The following ARMH3 variants were observed in gnomAD, a reference collection of about 807,000 sequenced individuals.
The protein encoded by ARMH3 is armadillo-like helical domain-containing protein 3.
A neutral mutation model predicts 99.1 loss-of-function variants in ARMH3; 60 were observed. The ratio of observed to expected loss-of-function variants is 0.61; its 90% CI spans 0.49 to 0.75. ARMH3 has a LOEUF of 0.75. Ranked by LOEUF, ARMH3 falls within the 30% of genes least tolerant of loss-of-function variation. The probability of loss-of-function intolerance (pLI) is 0.00; values close to 1 mark genes in which losing one functional copy is unlikely to be tolerated. For synonymous variants in ARMH3, 285 were observed against 292.8 expected, an observed-to-expected ratio of 0.97 and a Z score of 0.27; for missense variants, 679 against 843.1, an observed-to-expected ratio of 0.81 and a Z score of 2.41.
intron 19 of ARMH3, among the ~76,000 whole-genome samples, chr10:101,979,852 C>T (rs1484546637): frequency 6.6e-6 from 1 of 152,156 alleles, no homozygotes; most frequent in Admixed American, 6.5e-5. Flanking sequence ...TTCCTATTTT[C>T]AATTTAAATT....
chr10:101,935,920 A>G (rs1404372503), intron 23 of ARMH3, among the ~76,000 whole-genome samples: 1 of 152,174 alleles, frequency 6.6e-6, no homozygotes, highest in Non-Finnish European at 1.5e-5. Flanking sequence ...CACAGGTCAG[A>G]TTTTCTGACA....
chr10:101,864,935 C>T (rs2066963723), intron 24 of ARMH3, among the ~76,000 whole-genome samples: 1 of 151,410 alleles, frequency 6.6e-6, no homozygotes, highest in African/African-American at 2.4e-5. Flanking sequence ...CCTGACGCAG[C>T]TCAAAAAAAA....
At chr10:102,035,691 C>G (rs2067239457) in intron 2 of ARMH3, among the ~76,000 whole-genome samples, 1 of 152,276 alleles carries the variant, frequency 6.6e-6, no homozygotes, top group Non-Finnish European at 1.5e-5. Context: ...CAGACGGAGT[C>G]TCGTTCACTC....
chr10:101,959,873 T>C (rs1046862662), intron 20 of ARMH3, among the ~76,000 whole-genome samples: 2 of 152,158 alleles, frequency 1.3e-5, no homozygotes, highest in Admixed American at 6.5e-5. Context: ...TCTTCTCACT[T>C]GGAAGTAAGA....
At chr10:101,870,589 G>A (rs1246737032) in intron 24 of ARMH3, among the ~76,000 whole-genome samples, 2 of 151,976 alleles carry the variant, frequency 1.3e-5, no homozygotes, top group African/African-American at 4.8e-5. Flanking sequence ...ATAAAATATT[G>A]GGTATAAATT....
chr10:101,993,251 GGAGA>G (rs138381869), intron 17 of ARMH3, among the ~76,000 whole-genome samples: 1 of 148,282 alleles, frequency 6.7e-6, no homozygotes, highest in South Asian at 2.1e-4. Context: ...AGCCTGGGGG[GGAGA>G]GAGAGAGAGA....
intron 24 of ARMH3, among the ~76,000 whole-genome samples, chr10:101,869,279 T>C (rs1052201813): frequency 6.9e-6 from 1 of 144,676 alleles, no homozygotes; most frequent in South Asian, 2.3e-4. Context: ...TAAAAGCGAT[T>C]TATAGAAAAC....
chr10:101,853,836 C>A (rs570848248), intron 24 of ARMH3, among the ~76,000 whole-genome samples: 1 of 152,298 alleles, frequency 6.6e-6, no homozygotes, highest in Admixed American at 6.5e-5. Context: ...CTGAGCTGAC[C>A]AGGCACGATG....
At position 101,882,108 on chromosome 10, in the gene ARMH3, A is replaced by G. The variant is rs1390511776; in HGVS notation, c.1860+7304T>C. ...GCACACTCAGAGGCAAAGAGCAGGC[A>G]CTAAATACCAAGATACTGATAGCTG... On this transcript the variant is annotated intron_variant, in intron 24 of 25. Transcript: ENST00000370033. Among the ~76,000 whole-genome samples, 4 of 152,230 alleles carry G rather than the reference A, an allele frequency of 2.6e-5. No individual in the cohort carries two copies. The East Asian group carries it at 7.7e-4, about 29-fold the overall frequency.
chr10:101,972,598 T>C (rs1407963545), intron 20 of ARMH3, among the ~76,000 whole-genome samples: 3 of 152,202 alleles, frequency 2.0e-5, no homozygotes, highest in Non-Finnish European at 2.9e-5. Context: ...ATAGACACAC[T>C]TGTATTCACA....
intron 13 of ARMH3, among the ~76,000 whole-genome samples, chr10:102,007,079 T>G (rs2066509795): frequency 1.4e-5 from 2 of 141,382 alleles, no homozygotes; most frequent in Admixed American, 7.7e-5. Flanking sequence ...GAGAATCACT[T>G]GAACCCAGGA....
At chr10:102,020,520 C>T (rs536815772) in intron 8 of ARMH3, among the ~76,000 whole-genome samples, 2 of 152,014 alleles carry the variant, frequency 1.3e-5, no homozygotes, top group African/African-American at 2.4e-5. Flanking sequence ...CCCGTCTCTA[C>T]TAAAAATACA....
intron 14 of ARMH3, among the ~76,000 whole-genome samples, 178 bp from the exon 15 acceptor site, chr10:102,002,250 C>G (rs149763584): frequency 3.9e-5 from 6 of 152,136 alleles, no homozygotes; most frequent in Non-Finnish European, 8.8e-5. Flanking sequence ...CTGTAGAGCC[C>G]CCTTCCTATT....
At chr10:101,884,090 C>A (rs952053823) in intron 24 of ARMH3, among the ~76,000 whole-genome samples, 3 of 151,880 alleles carry the variant, frequency 2.0e-5, no homozygotes, top group African/African-American at 7.3e-5. Flanking sequence ...TTTCGGAAGG[C>A]TTACAAGGGT....
intron 23 of ARMH3, among the ~76,000 whole-genome samples, chr10:101,923,474 T>G (rs1251689748): frequency 2.0e-5 from 3 of 152,158 alleles, no homozygotes; most frequent in Non-Finnish European, 4.4e-5. Flanking sequence ...AAGGCTTGTT[T>G]AGGGGAGAAT....
chr10:101,914,033 A>G (rs190518578), intron 23 of ARMH3, among the ~76,000 whole-genome samples: 123 of 152,336 alleles, frequency 8.1e-4, no homozygotes, highest in Non-Finnish European at 5.9e-4. Flanking sequence ...TCAGAAACTA[A>G]GGACACAGGG....
At chr10:102,011,805 C>G (rs2066635239) in intron 10 of ARMH3, 22 bp from the exon 11 acceptor site, 1 of 1,581,310 alleles carries the variant, frequency 6.3e-7, no homozygotes, top group Non-Finnish European at 8.7e-7. Context: ...GAACTAAATT[C>G]AACTTTAGGA....
intron 17 of ARMH3, among the ~76,000 whole-genome samples, chr10:101,992,497 AT>A (rs71016357): frequency 0.073 from 10,514 of 143,654 alleles, 363 homozygotes; most frequent in African/African-American, 0.11. Flanking sequence ...CCTCAATGTA[AT>A]TTTTTTTTTT....
intron 22 of ARMH3, among the ~76,000 whole-genome samples, chr10:101,949,309 G>A (rs1305104393): frequency 6.6e-6 from 1 of 151,012 alleles, no homozygotes; most frequent in East Asian, 1.9e-4. Context: ...CTCTGAGGAG[G>A]GGAAATCAAT....
Sources: gnomAD v4.1 joint callset for allele counts (sites outside exome capture counted in the v4.1 genomes callset) on GRCh38, gnomAD v4.1.1 for gene constraint, MANE v1.5 for transcripts, NCBI Gene and HGNC (gene_info 2026-07-23, HGNC 2026-07-21) for gene names.